CDH22: variants seen among roughly 807,000 people sequenced by gnomAD.
CDH22 encodes the protein cadherin 22, also known as cadherin-22.
A neutral mutation model predicts 58.4 loss-of-function variants in CDH22; 30 were observed. The observed-to-expected ratio is 0.51, with a 90% confidence interval of 0.38 to 0.70. The LOEUF (loss-of-function observed/expected upper bound fraction) is 0.70, where lower values mean the gene tolerates loss of function less well. Ranked by LOEUF, CDH22 falls within the 30% of genes least tolerant of loss-of-function variation. CDH22 has a pLI of 0.00. For missense variants in CDH22, 1,014 were observed against 1,233.9 expected (o/e 0.82, Z 2.67); for synonymous variants, 513 against 558.2 (o/e 0.92, Z 1.14).
Position 46,218,539 on chromosome 20 carries a change from C to T in CDH22, c.671-1546G>A, listed in dbSNP as rs150087136. Among the ~76,000 whole-genome samples the T allele has an allele frequency of 9.7e-3, 1,478 of 152,304 alleles. 11 individuals are homozygous for T. Among genetic ancestry groups the T allele is most frequent in the South Asian group, 0.04 (192 of 4,830 alleles). On this transcript the variant is annotated intron_variant, in intron 4 of 11. Transcript: ENST00000537909. ...AGTTCACACATTTGTGGTGTATGGA[C>T]ATAAGAACACATACAAAGTCCCTTA...
At chr20:46,306,820 G>C (rs1238983453) in intron 1 of CDH22, among the ~76,000 whole-genome samples, 2 of 152,218 alleles carry the variant, frequency 1.3e-5, no homozygotes, top group East Asian at 3.9e-4. Flanking sequence ...TGTAGACTAG[G>C]GGCAACTGAG....
intron 1 of CDH22, among the ~76,000 whole-genome samples, chr20:46,273,943 C>T (rs1326962053): frequency 6.6e-6 from 1 of 152,226 alleles, no homozygotes; most frequent in Non-Finnish European, 1.5e-5. Context: ...CAGTTCCCTG[C>T]AGCCACTGGG....
chr20:46,206,873 C>A (rs992967067), intron 7 of CDH22, among the ~76,000 whole-genome samples: 2 of 152,196 alleles, frequency 1.3e-5, no homozygotes, highest in African/African-American at 4.8e-5. Context: ...GGAGTTGCTG[C>A]CTAAGCCTGT....
intron 1 of CDH22, among the ~76,000 whole-genome samples, chr20:46,264,144 C>G (rs2086447255): frequency 6.6e-6 from 1 of 152,206 alleles, no homozygotes; most frequent in Non-Finnish European, 1.5e-5. Flanking sequence ...GAGCCAGGCA[C>G]TGTTCTAGCA....
At chr20:46,298,791 A>T (rs2086639303) in intron 1 of CDH22, among the ~76,000 whole-genome samples, 1 of 151,340 alleles carries the variant, frequency 6.6e-6, no homozygotes, top group South Asian at 2.1e-4. Flanking sequence ...TGGTTAATGG[A>T]CCCCAGTTCT....
chr20:46,204,470 C>A (rs891839350), intron 7 of CDH22, among the ~76,000 whole-genome samples: 1 of 150,346 alleles, frequency 6.7e-6, no homozygotes, highest in African/African-American at 2.4e-5. Flanking sequence ...TTGTGAGGTT[C>A]GGACAAGTGA....
intron 5 of CDH22, 99 bp from the exon 6 acceptor site, chr20:46,213,287 T>C (rs1449145016): frequency 1.3e-6 from 1 of 779,680 alleles, no homozygotes; most frequent in Non-Finnish European, 2.1e-6. Context: ...TGAGCCTCTA[T>C]GGAGGACAGT....
At chr20:46,263,656 T>C (rs1179564860) in intron 1 of CDH22, among the ~76,000 whole-genome samples, 1 of 151,958 alleles carries the variant, frequency 6.6e-6, no homozygotes, top group Non-Finnish European at 1.5e-5. Context: ...GAGTGAGATG[T>C]ACTGAGGCAC....
At chr20:46,176,981 A>G (rs2085745045) in intron 11 of CDH22, among the ~76,000 whole-genome samples, 1 of 152,224 alleles carries the variant, frequency 6.6e-6, no homozygotes, top group Non-Finnish European at 1.5e-5. Context: ...AAACCGCTGT[A>G]AAGTGCACCC....
intron 4 of CDH22, among the ~76,000 whole-genome samples, chr20:46,221,612 T>C (rs2086126284): frequency 6.6e-6 from 1 of 152,230 alleles, no homozygotes; most frequent in East Asian, 1.9e-4. Flanking sequence ...CACATTCTAT[T>C]GGCCAAAGTA....
intron 1 of CDH22, among the ~76,000 whole-genome samples, chr20:46,307,821 G>C (rs1600733512): frequency 6.6e-6 from 1 of 152,030 alleles, no homozygotes; most frequent in Non-Finnish European, 1.5e-5. Context: ...CCCGCTAGCA[G>C]GGTTGGGGGA....
chr20:46,233,368 T>A (rs931009641), intron 3 of CDH22, among the ~76,000 whole-genome samples: 6 of 152,300 alleles, frequency 3.9e-5, no homozygotes, highest in Middle Eastern at 3.4e-3. Context: ...ATATCCCAAA[T>A]AGACCCACAA....
intron 10 of CDH22, among the ~76,000 whole-genome samples, chr20:46,185,422 G>T (rs1395136167): frequency 1.3e-5 from 2 of 152,248 alleles, no homozygotes; most frequent in East Asian, 3.9e-4. Flanking sequence ...CTGGACTTGG[G>T]ATGGGGTTGG....
intron 5 of CDH22, among the ~76,000 whole-genome samples, chr20:46,215,410 C>T (rs2086076905): frequency 2.0e-5 from 3 of 152,146 alleles, no homozygotes; most frequent in Admixed American, 2.0e-4. Context: ...TATGATTCAT[C>T]CCATTTATAT....
intron 1 of CDH22, among the ~76,000 whole-genome samples, chr20:46,260,640 G>C (rs916332741): frequency 6.6e-6 from 1 of 152,068 alleles, no homozygotes; most frequent in Non-Finnish European, 1.5e-5. Flanking sequence ...CCTCTCACTG[G>C]GGAGTTGCCA....
Position 46,174,875 on chromosome 20 carries a change from C to T in CDH22, c.2118G>A (p.Ala706=). The part of the protein sequence containing the change: ...ELKGGDGGGS[A]GGGAGGGSGG... ...CCGAGCCCCCGCCCGCTCCCCCGCCCGCGCTGCCGCCCCCGTCGCCGCCCT... is the reference window on the plus strand; with the variant it reads ...CCGAGCCCCCGCCCGCTCCCCCGCCTGCGCTGCCGCCCCCGTCGCCGCCCT... The change falls in exon 12 of 12, where the codon GCG becomes GCA. Residue 706 remains alanine (A), a synonymous_variant. Transcript: ENST00000537909. The surrounding 1 kb of genome is among the most constrained non-coding windows in gnomAD (Gnocchi z 4.4). 6 of 1,360,066 alleles carry T rather than the reference C, an allele frequency of 4.4e-6. No individual in the cohort carries two copies. Among genetic ancestry groups the T allele is most frequent in the Non-Finnish European group, 5.7e-6 (6 of 1,053,624 alleles). The allele number at this position is 1,360,066 out of a possible 1,614,324, so 84.2% of individuals were successfully genotyped here.
chr20:46,299,422 T>G (rs1416143358), intron 1 of CDH22, among the ~76,000 whole-genome samples: 1 of 152,232 alleles, frequency 6.6e-6, no homozygotes, highest in Non-Finnish European at 1.5e-5. Context: ...TGTGCCCAGC[T>G]GGCTAATAGG....
rs914678195 is a variant in CDH22, at chr20:46,306,729, G to C, written c.-400+1526C>G. 5.9e-5 allele frequency among the ~76,000 whole-genome samples: 9 copies of C among 152,210 alleles called. 1 individual carries two copies. Among genetic ancestry groups the C allele is most frequent in the Admixed American group, 5.9e-4 (9 of 15,286 alleles). ...CAGGATAGAAGATGGGTCGGGGTTG[G>C]GGGGGACGAGGAAATGGTCATTGGT... On this transcript the variant is annotated intron_variant, in intron 1 of 11. Coordinates refer to ENST00000537909, the MANE Select transcript of CDH22 (RefSeq NM_021248.3).
At chr20:46,194,455 G>C (rs1404159320) in intron 8 of CDH22, among the ~76,000 whole-genome samples, 5 of 152,194 alleles carry the variant, frequency 3.3e-5, no homozygotes, top group Non-Finnish European at 1.5e-5. Flanking sequence ...AAGCCTCATG[G>C]GGGAACTCCC....
Sources: gnomAD v4.1 joint callset for allele counts (sites outside exome capture counted in the v4.1 genomes callset) on GRCh38, gnomAD v4.1.1 for gene constraint, Gnocchi (gnomAD v3.1) non-coding constraint, MANE v1.5 for transcripts, NCBI Gene and HGNC (gene_info 2026-07-23, HGNC 2026-07-21) for gene names.